Variants in MORF4L1 observed in about 807,000 individuals in gnomAD.
MORF4L1 encodes mortality factor 4-like protein 1.
A neutral mutation model predicts 52.9 loss-of-function variants in MORF4L1; 4 were observed. The observed-to-expected ratio is 0.08, with a 90% CI of 0.04 to 0.17. MORF4L1 has a LOEUF of 0.17. MORF4L1 is among the 10% of genes least tolerant of loss of function. MORF4L1 has a pLI of 1.00. For synonymous variants in MORF4L1, 123 were observed against 134.8 expected (o/e 0.91, Z 0.61); for missense variants, 214 against 390.4 (o/e 0.55, Z 3.81).
intron 1 of MORF4L1, among the ~76,000 whole-genome samples, chr15:78,875,599 G>C (rs922366090): frequency 6.6e-6 from 1 of 152,006 alleles, no homozygotes; most frequent in Admixed American, 6.5e-5. Context: ...TCAGCCTGGT[G>C]AGCCTGGTGA....
At chr15:78,887,445 A>C (rs965674767) in intron 5 of MORF4L1, 96 bp downstream of exon 5, 2 of 1,041,720 alleles carry the variant, frequency 1.9e-6, no homozygotes, top group Non-Finnish European at 2.8e-6. Context: ...AAACTTTGGA[A>C]CATTGTTGGA....
chr15:78,896,019 C>T (rs781354554), intron 11 of MORF4L1, among the ~76,000 whole-genome samples: 1 of 152,102 alleles, frequency 6.6e-6, no homozygotes, highest in Non-Finnish European at 1.5e-5. Context: ...TGCTCTGTCG[C>T]CCAGGCTGGA....
chr15:78,884,958 CTG>C lies in MORF4L1; in HGVS notation c.156-1181_156-1180del, dbSNP rs754618033. The C allele has an allele frequency of 1.9e-5, 30 of 1,605,126 alleles. No individual in the cohort carries two copies. The African/African-American group carries it at 3.1e-4, about 16-fold the overall frequency. The stretch of plus-strand genomic sequence containing the variant: ...CTGAGATTACTTTGTACTATGCTGT[CTG>C]TATCAGAAGTGCTGTGAGGCCCAGG... On this transcript the variant is annotated intron_variant, in intron 3 of 11. Transcript: ENST00000426013.
chr15:78,891,499 A>G lies in MORF4L1; in HGVS notation c.365A>G (p.Asp122Gly). The part of the protein sequence containing the change: ...KNKQKTPGNG[D>G]GGSTSETPQP... The stretch of plus-strand genomic sequence containing the variant: ...ACATTTACAGCACCTGGAAATGGAG[A>G]TGGTGGCAGTACCAGTGAGACCCCT... Residue 122 changes from aspartate to glycine, a missense_variant, in exon 7 of 12, where the codon GAT (aspartate) becomes GGT (glycine). Asp to Gly is a moderately conservative substitution (Grantham distance 94, BLOSUM62 -1). Around this residue, in one of 5 missense-constraint regions of MORF4L1, gnomAD observed 84 missense variants for 116.3 expected, o/e 0.72. Coordinates refer to ENST00000426013, the MANE Select transcript of MORF4L1 (RefSeq NM_006791.4). 1.2e-6 allele frequency: 2 copies of G among 1,613,666 alleles called. No individual in the cohort carries two copies. The highest frequency in any genetic ancestry group is 1.7e-6 in the Non-Finnish European group (2 of 1,179,772).
intron 1 of MORF4L1, chr15:78,873,313 A>G: frequency 8.4e-7 from 1 of 1,187,862 alleles, no homozygotes; most frequent in Non-Finnish European, 1.1e-6. Flanking sequence ...CACCCTCGTC[A>G]AGTGTTTGTT....
chr15:78,877,424 C>T (rs1000606492), intron 1 of MORF4L1, among the ~76,000 whole-genome samples: 9 of 152,144 alleles, frequency 5.9e-5, no homozygotes, highest in Non-Finnish European at 1.0e-4. Context: ...CCCGCCTGCT[C>T]TTTTAATTTT....
Position 78,873,358 on chromosome 15 carries a change from C to G in MORF4L1, c.40+301C>G, listed in dbSNP as rs1461846620. On this transcript the variant is annotated intron_variant, in intron 1 of 11. Transcript: ENST00000426013. ...AGGAAGAGGGCGCGGAGAGAGCAGC[C>G]TATTGTAGGGAGGCGACGGGAGCGC... 8 of 693,336 alleles carry G rather than the reference C, an allele frequency of 1.2e-5. No individual in the cohort carries two copies. The Middle Eastern group carries it at 2.6e-3, about 222-fold the overall frequency. The allele number at this position is 693,336 out of a possible 1,614,324, so 42.9% of individuals were successfully genotyped here. A position where few individuals can be genotyped will look rare whatever the true frequency, so the allele number is the denominator to read the frequency against.
intron 7 of MORF4L1, among the ~76,000 whole-genome samples, chr15:78,891,939 T>G (rs12440205): frequency 0.13 from 19,616 of 152,248 alleles, 1,343 homozygotes; most frequent in East Asian, 0.26. Context: ...CAAGTCAGGG[T>G]GTTTCATTTC....
At chr15:78,874,843 C>T (rs1247895388) in intron 1 of MORF4L1, among the ~76,000 whole-genome samples, 2 of 126,640 alleles carry the variant, frequency 1.6e-5, no homozygotes, top group African/African-American at 2.9e-5. Context: ...AGAGTCAGTG[C>T]ATTAATTGAG....
intron 11 of MORF4L1, 64 bp from the exon 12 acceptor site, chr15:78,896,919 A>G (rs947741218): frequency 3.3e-6 from 4 of 1,217,614 alleles, no homozygotes; most frequent in Non-Finnish European, 3.6e-6. Context: ...TATAATATAT[A>G]GGAAGAGATT....
At chr15:78,886,644 G>A (rs1373508429) in intron 4 of MORF4L1, among the ~76,000 whole-genome samples, 1 of 152,112 alleles carries the variant, frequency 6.6e-6, no homozygotes, top group Non-Finnish European at 1.5e-5. Flanking sequence ...TCTCAAAGTT[G>A]AAATGTATTT....
At position 78,879,722 on chromosome 15, in the gene MORF4L1, G is replaced by T. The variant is rs560447140; in HGVS notation, c.88-790G>T. Among the ~76,000 whole-genome samples, 542 of 151,398 alleles carry T rather than the reference G, an allele frequency of 3.6e-3. 1 individual carries two copies. The highest frequency in any genetic ancestry group is 0.011 in the African/African-American group (446 of 41,156). ...GGGAGCCAAAGCAGGAGGATCACTT[G>T]AGGTCAGGAGTTTGAGATCAGTCTG... On this transcript the variant is annotated intron_variant, in intron 2 of 11. Coordinates refer to ENST00000426013, the MANE Select transcript of MORF4L1 (RefSeq NM_006791.4).
At chr15:78,891,456 T>G in intron 6 of MORF4L1, 28 bp from the exon 7 acceptor site, 2 of 1,571,928 alleles carry the variant, frequency 1.3e-6, no homozygotes, top group Non-Finnish European at 1.8e-6. Context: ...ATTAGCTAAA[T>G]GAGACCCCTC....
At chr15:78,881,101 A>G (rs2056593895) in intron 3 of MORF4L1, among the ~76,000 whole-genome samples, 1 of 151,026 alleles carries the variant, frequency 6.6e-6, no homozygotes, top group African/African-American at 2.4e-5. Context: ...TTGACCGAAA[A>G]TGACTTCATG....
rs1409301248 is a variant in MORF4L1, at chr15:78,893,541, C to G, written c.543C>G (p.Leu181=). The change falls in exon 9 of 12, where the codon CTC becomes CTG. Residue 181 remains leucine, a splice_region_variant and synonymous_variant. Coordinates refer to ENST00000426013, the MANE Select transcript of MORF4L1 (RefSeq NM_006791.4). ...TAAGCATATTTTTGTCTTCATAGCT[C>G]TTTTATCTTCCTGCCAAGAAGAATG... is the stretch of plus-strand genomic sequence containing the variant. The part of the protein sequence containing the change: ...DWDLITRQKQ[L]FYLPAKKNVD... 1.2e-6 allele frequency: 2 copies of G among 1,601,760 alleles called. No homozygotes were observed. Among genetic ancestry groups the G allele is most frequent in the South Asian group, 2.2e-5 (2 of 90,088 alleles).
In MORF4L1 at chr15:78,884,660, T is replaced by A. The variant is rs893352983; in HGVS notation, c.156-1481T>A. 7.4e-4 allele frequency among the ~76,000 whole-genome samples: 97 copies of A among 130,690 alleles called. 1 individual carries two copies. Among genetic ancestry groups the A allele is most frequent in the African/African-American group, 2.4e-3 (81 of 34,072 alleles). 85.7% of individuals were successfully genotyped at this position (130,690 alleles called of 152,430 possible). ...GTCTCAAAAAAAAAAAAAAAAAAAA[T>A]ACACACACACACACACACACACACA... is the stretch of plus-strand genomic sequence containing the variant. On this transcript the variant is annotated intron_variant, in intron 3 of 11. Coordinates refer to ENST00000426013, the MANE Select transcript of MORF4L1 (RefSeq NM_006791.4).
intron 5 of MORF4L1, 28 bp from the exon 6 acceptor site, chr15:78,890,961 T>A: frequency 1.4e-6 from 2 of 1,431,494 alleles, no homozygotes; most frequent in East Asian, 2.6e-5. Context: ...TGGAAATAAT[T>A]ATTTTTCTTT....
chr15:78,890,009 G>A (rs2056771398), intron 5 of MORF4L1, among the ~76,000 whole-genome samples: 1 of 152,064 alleles, frequency 6.6e-6, no homozygotes, highest in South Asian at 2.1e-4. Flanking sequence ...AATCACTTGA[G>A]GTCAGGAGTT....
chr15:78,878,302 G>T (rs187859824), intron 2 of MORF4L1, 43 bp downstream of exon 2: 96 of 1,566,308 alleles, frequency 6.1e-5, no homozygotes, highest in Non-Finnish European at 7.8e-5. Flanking sequence ...CAAAACTACT[G>T]GTTAGATCTG....
Sources: gnomAD v4.1 joint callset for allele counts (sites outside exome capture counted in the v4.1 genomes callset) on GRCh38, gnomAD v4.1.1 for gene constraint, gnomAD v4.1.1 regional missense constraint, MANE v1.5 for transcripts, NCBI Gene and HGNC (gene_info 2026-07-23, HGNC 2026-07-21) for gene names.